Variants in THBS2 observed in about 807,000 individuals in gnomAD.
THBS2 encodes thrombospondin 2, also known as thrombospondin-2.
A neutral mutation model predicts 135.2 loss-of-function variants in THBS2; 47 were observed. That is an observed-to-expected ratio of 0.35 (90% CI 0.28 to 0.44). The LOEUF (loss-of-function observed/expected upper bound fraction) is 0.44, where lower values mean the gene tolerates loss of function less well. Among genes scored for constraint, THBS2 ranks in the 20% least tolerant of loss-of-function variants. The pLI, the probability that THBS2 is intolerant of heterozygous loss-of-function variation, is 1.00. For missense variants in THBS2, 1,288 were observed against 1,603.1 expected, an observed-to-expected ratio of 0.80 and a Z score of 3.36; for synonymous variants, 639 against 633.8, an observed-to-expected ratio of 1.01 and a Z score of -0.12.
chr6:169,243,038 GCTCCCACCTTCCCACCTTCCCACCA>G (rs773927190), intron 4 of THBS2, among the ~76,000 whole-genome samples: 6,906 of 22,164 alleles, frequency 0.31, 261 homozygotes, highest in East Asian at 0.39. Context: ...CCTTCCCACC[GCTCCCACCTTCCCACCTTCCCACCA>G]CTCCCACCTT....
At chr6:169,232,578 C>T in intron 12 of THBS2, 86 bp downstream of exon 12, 2 of 1,521,744 alleles carry the variant, frequency 1.3e-6, no homozygotes, top group East Asian at 2.3e-5. Flanking sequence ...GCCACCCCTT[C>T]CTCTCCTTCC....
At chr6:169,223,999 G>C (rs1282450946) in intron 17 of THBS2, among the ~76,000 whole-genome samples, 3 of 152,180 alleles carry the variant, frequency 2.0e-5, no homozygotes, top group Admixed American at 6.5e-5. Flanking sequence ...GCATGGTGGG[G>C]AGTGGGGATG....
chr6:169,247,609 CGTGT>C (rs1780595622), intron 3 of THBS2, among the ~76,000 whole-genome samples: 1 of 151,992 alleles, frequency 6.6e-6, no homozygotes, highest in African/African-American at 2.4e-5. Flanking sequence ...CTTTTGTGCA[CGTGT>C]GTATGTGTGT....
chr6:169,246,169 TA>T (rs1562364732), intron 4 of THBS2, 27 bp downstream of exon 4: 1 of 1,589,918 alleles, frequency 6.3e-7, no homozygotes, highest in Non-Finnish European at 8.6e-7. Context: ...AGCCAGTATA[TA>T]AAATGCATTT....
intron 9 of THBS2, among the ~76,000 whole-genome samples, chr6:169,235,469 C>T (rs1025736880): frequency 2.0e-5 from 3 of 152,208 alleles, no homozygotes; most frequent in Non-Finnish European, 2.9e-5. Context: ...TGAAGGCAAT[C>T]CCTGCACACC....
rs1779174236 is a variant in THBS2, at chr6:169,216,428, AC to A, written c.*1393del. ...TTAAAGCAAAAAAACAAACCAACCA[AC>A]AAAAAAAACAAAAACAAAAACAAAC... On this transcript the variant is annotated 3_prime_UTR_variant, in exon 22 of 22. Coordinates refer to ENST00000617924, the MANE Select transcript of THBS2 (RefSeq NM_003247.5). 6.6e-6 allele frequency: 1 copy of A among 151,892 alleles called. No individual in the cohort carries two copies. Among genetic ancestry groups the A allele is most frequent in the Non-Finnish European group, 1.5e-5 (1 of 68,028 alleles). 9.4% of individuals were successfully genotyped at this position (151,892 alleles called of 1,614,324 possible).
At chr6:169,235,020 A>G in intron 9 of THBS2, 113 bp from the exon 10 acceptor site, 1 of 1,096,814 alleles carries the variant, frequency 9.1e-7, no homozygotes, top group East Asian at 2.7e-5. Flanking sequence ...ACACAGCCCC[A>G]CAAACTGGTT....
intron 3 of THBS2, 113 bp from the exon 4 acceptor site, chr6:169,246,394 T>C (rs563754601): frequency 1.3e-4 from 111 of 861,026 alleles, no homozygotes; most frequent in Non-Finnish European, 1.8e-4. Flanking sequence ...AGTGAGAGTA[T>C]TTCCTTCTAC....
chr6:169,242,162 T>A (rs1583418039), intron 4 of THBS2, among the ~76,000 whole-genome samples: 1 of 151,958 alleles, frequency 6.6e-6, no homozygotes, highest in Non-Finnish European at 1.5e-5. Flanking sequence ...TGGTGCTGGG[T>A]GACACCAGGA....
chr6:169,225,121 C>T, intron 17 of THBS2, 24 bp downstream of exon 17: 1 of 1,611,078 alleles, frequency 6.2e-7, no homozygotes, highest in Non-Finnish European at 8.5e-7. Context: ...TTCCTCCACG[C>T]CCATGAGCTG....
At chr6:169,236,365 A>C (rs1583413924) in intron 9 of THBS2, among the ~76,000 whole-genome samples, 1 of 60,120 alleles carries the variant, frequency 1.7e-5, no homozygotes, top group Non-Finnish European at 3.2e-5. Context: ...CTCCCCATCC[A>C]CACTCACTCC....
In THBS2 at chr6:169,237,615, C is replaced by T. The variant is rs769631475; in HGVS notation, c.1300+10G>A. ...CACAGGCACGCGGGTGTCACCTGCC[C>T]GACACTCACTGCGGGTGTCACACTT... On this transcript the variant is annotated intron_variant, in intron 8 of 21. Transcript: ENST00000617924. 33 of 1,611,700 alleles carry T rather than the reference C, an allele frequency of 2.0e-5. No homozygotes were observed. Among genetic ancestry groups the T allele is most frequent in the South Asian group, 9.9e-5 (9 of 91,066 alleles).
rs1780300148 is a variant in THBS2, at chr6:169,241,603, A to C, written c.891+159T>G. Among the ~76,000 whole-genome samples the C allele has an allele frequency of 6.6e-6, 1 of 152,128 alleles. No individual in the cohort carries two copies. The highest frequency in any genetic ancestry group is 2.1e-4 in the South Asian group (1 of 4,834). ...TAACAATGCTGAATATTGAGCAAGG[A>C]TCCTGAGGAGCCCGGCAGACACCTC... On this transcript the variant is annotated intron_variant, in intron 5 of 21. Transcript: ENST00000617924. This position sits in a 1 kb window ranked among gnomAD's most constrained non-coding sequence, Gnocchi z 5.5.
intron 21 of THBS2, among the ~76,000 whole-genome samples, chr6:169,218,443 GGGTGGCTGA>G: frequency 6.8e-6 from 1 of 147,516 alleles, no homozygotes; most frequent in Non-Finnish European, 1.5e-5. Flanking sequence ...GTGGGTGGGT[GGGTGGCTGA>G]GATGGATGGA....
intron 4 of THBS2, 74 bp from the exon 5 acceptor site, chr6:169,242,032 G>A (rs12179695): frequency 0.018 from 26,362 of 1,506,068 alleles, 550 homozygotes; most frequent in African/African-American, 0.086. Context: ...AACAGAGGGA[G>A]GATGACCCGC....
rs533173277 is a variant in THBS2, at chr6:169,220,310, G to A, written c.3399C>T (p.Val1133=). The A allele has an allele frequency of 1.5e-5, 25 of 1,613,438 alleles. No individual in the cohort carries two copies. The East Asian group carries it at 3.8e-4, about 24-fold the overall frequency. The part of the protein sequence containing the change: ...IRVLVHEGKQ[V]MADSGPIYDQ... ...CATAGATAGGTCCTGAGTCTGCCAT[G>A]ACCTGTTTTCCTTCATGCACTAAGA... Residue 1133 remains valine (V), a synonymous_variant, in exon 21 of 22, where the codon GTC becomes GTT. Transcript: ENST00000617924.
intron 2 of THBS2, 103 bp downstream of exon 2, chr6:169,250,630 G>T: frequency 9.8e-7 from 1 of 1,022,018 alleles, no homozygotes; most frequent in Non-Finnish European, 1.4e-6. Flanking sequence ...GGTCCTCACG[G>T]GTAAGATTGT....
rs373786183 is a variant in THBS2, at chr6:169,237,627, C to T, written c.1298G>A (p.Arg433His). 8 of 1,612,178 alleles carry T rather than the reference C, an allele frequency of 5.0e-6. No homozygotes were observed. Among genetic ancestry groups the T allele is most frequent in the South Asian group, 2.2e-5 (2 of 91,084 alleles). Residue 433 changes from arginine to histidine, a missense_variant and splice_region_variant, in exon 8 of 22, where the codon CGC (arginine) becomes CAC (histidine). Transcript: ENST00000617924. ...RACSLSKCDT[R>H]IRQDGGWSHW... Reference sequence around the variant, plus strand: ...GGTGTCACCTGCCCGACACTCACTGCGGGTGTCACACTTGCTCAGACTGCA... The same window carrying T: ...GGTGTCACCTGCCCGACACTCACTGTGGGTGTCACACTTGCTCAGACTGCA...
At chr6:169,218,793 G>GACGAGA (rs1554244038) in intron 21 of THBS2, among the ~76,000 whole-genome samples, 1 of 130,652 alleles carries the variant, frequency 7.7e-6, no homozygotes, top group Non-Finnish European at 1.6e-5. Context: ...GAGTGGGTTG[G>GACGAGA]TGGATGAGAT....
Sources: gnomAD v4.1 joint callset for allele counts (sites outside exome capture counted in the v4.1 genomes callset) on GRCh38, gnomAD v4.1.1 for gene constraint, Gnocchi (gnomAD v3.1) non-coding constraint, MANE v1.5 for transcripts, NCBI Gene and HGNC (gene_info 2026-07-23, HGNC 2026-07-21) for gene names.